KANK1: variants seen among roughly 807,000 people sequenced by gnomAD.
KANK1 encodes KN motif and ankyrin repeat domains 1.
KANK1 carries 109 observed loss-of-function variants against 106.2 expected under a neutral mutation model. That is an observed-to-expected ratio of 1.03 (90% CI 0.88 to 1.20). The LOEUF (loss-of-function observed/expected upper bound fraction) is 1.20. Among genes scored for constraint, KANK1 ranks in the 50% most tolerant of loss-of-function variants. The pLI is 0.00. For missense variants in KANK1, 2,399 were observed against 1,710.7 expected, an observed-to-expected ratio of 1.40 and a Z score of -7.10; for synonymous variants, 873 against 652.2, an observed-to-expected ratio of 1.34 and a Z score of -5.16.
rs190575200 is a variant in KANK1 at position 535,926 on chromosome 9, C to T, written c.-84+31172C>T. Among the ~76,000 whole-genome samples the T allele has an allele frequency of 3.6e-3, 548 of 152,286 alleles. 2 individuals carry two copies. The highest frequency in any genetic ancestry group is 0.01 in the Middle Eastern group (3 of 294). ...AAATTCTTCCAAGCTCCTTCACTAC[C>T]CAATTCCAAAACCACTTCCACATTT... On this transcript the variant is annotated intron_variant, in intron 1 of 11. Transcript: ENST00000382297.
chr9:711,260 TG>T lies in KANK1; in HGVS notation c.496del (p.Glu166AsnfsTer9). 6.2e-7 allele frequency: 1 copy of T among 1,614,076 alleles called. No individual in the cohort carries two copies. The highest frequency in any genetic ancestry group is 2.2e-5 in the East Asian group (1 of 44,874). ...TKTLMETRRRLEQERATMQMT... is the reference protein window; with the variant it reads ...TKTLMETRRRXEQERATMQMT... ...ACACTGATGGAGACCCGGAGAAGAC[TG>T]GAACAGGAGAGAGCCACCATGCAGA... On this transcript the variant is annotated frameshift_variant, in exon 3 of 12. Coordinates refer to ENST00000382297, the MANE Select transcript of KANK1 (RefSeq NM_015158.5). LOFTEE classifies it high-confidence loss of function.
At chr9:555,765 G>A (rs117129109) in intron 1 of KANK1, among the ~76,000 whole-genome samples, 5,090 of 152,240 alleles carry the variant, frequency 0.033, 119 homozygotes, top group Non-Finnish European at 0.049. Flanking sequence ...TGAGTTCCTA[G>A]TACATACGTG....
intron 3 of KANK1, among the ~76,000 whole-genome samples, chr9:724,062 C>T (rs1830054364): frequency 6.6e-6 from 1 of 150,674 alleles, no homozygotes; most frequent in Non-Finnish European, 1.5e-5. Flanking sequence ...GATCACGCCA[C>T]TGCACTCCAG....
intron 1 of KANK1, among the ~76,000 whole-genome samples, chr9:574,232 T>C (rs1819949989): frequency 1.3e-5 from 2 of 152,214 alleles, no homozygotes; most frequent in Admixed American, 1.3e-4. Flanking sequence ...AGGCTAAGGA[T>C]CATGAGGATG....
At chr9:485,940 T>G (rs965457849) in intron 3 of KANK1, among the ~76,000 whole-genome samples, 14 of 151,862 alleles carry the variant, frequency 9.2e-5, no homozygotes, top group African/African-American at 3.4e-4. Flanking sequence ...AGGTCCCTGG[T>G]TGAGGCTCTG....
intron 2 of KANK1, among the ~76,000 whole-genome samples, chr9:691,812 T>A (rs1820010832): frequency 6.8e-6 from 1 of 147,804 alleles, no homozygotes; most frequent in African/African-American, 2.5e-5. Context: ...AGACAGAGTG[T>A]CACTGTGTCA....
At chr9:675,070 C>T (rs1300815565) in intron 1 of KANK1, among the ~76,000 whole-genome samples, 1 of 152,106 alleles carries the variant, frequency 6.6e-6, no homozygotes, top group Non-Finnish European at 1.5e-5. Context: ...TCCATGATTT[C>T]ATCACCCAGA....
At chr9:505,675 C>T (rs140797650) in intron 1 of KANK1, among the ~76,000 whole-genome samples, 3 of 152,220 alleles carry the variant, frequency 2.0e-5, no homozygotes, top group Non-Finnish European at 4.4e-5. Flanking sequence ...TTGGCGTTAA[C>T]AATTTATGGC....
At chr9:740,726 C>T in intron 8 of KANK1, 66 bp from the exon 9 acceptor site, 6 of 1,546,032 alleles carry the variant, frequency 3.9e-6, no homozygotes, top group Non-Finnish European at 5.3e-6. Context: ...CCTTCAGTGG[C>T]TTCGTAAGCG....
At chr9:662,802 C>T (rs1298160019) in intron 1 of KANK1, among the ~76,000 whole-genome samples, 1 of 152,028 alleles carries the variant, frequency 6.6e-6, no homozygotes, top group African/African-American at 2.4e-5. Flanking sequence ...GCTGGGATTA[C>T]AGGCACCCGC....
chr9:721,549 A>G (rs1294135753), intron 3 of KANK1, among the ~76,000 whole-genome samples: 2 of 152,248 alleles, frequency 1.3e-5, no homozygotes, highest in Admixed American at 6.5e-5. Flanking sequence ...TGGTAGAAAT[A>G]GAAAACCAGA....
chr9:620,950 C>T (rs1053361764), intron 1 of KANK1, among the ~76,000 whole-genome samples: 9 of 152,070 alleles, frequency 5.9e-5, no homozygotes, highest in Non-Finnish European at 5.9e-5. Flanking sequence ...GGAAATTAGT[C>T]ATCATTTGAT....
At chr9:651,981 C>G (rs1162100415) in intron 1 of KANK1, among the ~76,000 whole-genome samples, 1 of 151,994 alleles carries the variant, frequency 6.6e-6, no homozygotes, top group Non-Finnish European at 1.5e-5. Flanking sequence ...ATGTTCAAAG[C>G]AATAAATTTA....
At chr9:660,336 C>A in intron 1 of KANK1, 1 of 207,474 alleles carries the variant, frequency 4.8e-6, no homozygotes, top group South Asian at 9.1e-5. Flanking sequence ...ACTGCTGTGG[C>A]TCGCTGAAGC....
chr9:647,884 A>G (rs1384268738), intron 1 of KANK1, among the ~76,000 whole-genome samples: 1 of 150,626 alleles, frequency 6.6e-6, no homozygotes, highest in Non-Finnish European at 1.5e-5. Flanking sequence ...CATGGAAATC[A>G]GGTAGAACAC....
chr9:589,490 A>G (rs1824302921), intron 1 of KANK1, among the ~76,000 whole-genome samples: 1 of 152,098 alleles, frequency 6.6e-6, no homozygotes, highest in African/African-American at 2.4e-5. Context: ...TAGATATACT[A>G]AAAGAGAGGG....
rs1264192182 is a variant in KANK1, at chr9:517,107, GTTTGTT to G, written c.-84+12368_-84+12373del. Among the ~76,000 whole-genome samples, 4 of 151,692 alleles carry G rather than the reference GTTTGTT, an allele frequency of 2.6e-5. No individual in the cohort carries two copies. The South Asian group carries it at 6.2e-4, about 24-fold the overall frequency. ...TTCCAAAATTCAGCAAGCTGTTTGT[GTTTGTT>G]TTTGTTTTTGTTTTGAGACGGAGTC... is the stretch of plus-strand genomic sequence containing the variant. On this transcript the variant is annotated intron_variant, in intron 1 of 11. Coordinates refer to ENST00000382297, the MANE Select transcript of KANK1 (RefSeq NM_015158.5).
rs931013308 is a variant in KANK1 at position 596,461 on chromosome 9, A to G, written c.-83-80429A>G. On this transcript the variant is annotated intron_variant, in intron 1 of 11. Coordinates refer to ENST00000382297, the MANE Select transcript of KANK1 (RefSeq NM_015158.5). ...CCTCTGAGCCCCTATGCTAAGCTGA[A>G]CTAGGCTTTTGTTTCTGGCAATGGA... Among the ~76,000 whole-genome samples the G allele has an allele frequency of 1.2e-4, 18 of 151,784 alleles. 1 individual carries two copies. The highest frequency in any genetic ancestry group is 4.1e-4 in the African/African-American group (17 of 41,056).
At position 475,913 on chromosome 9, in the gene KANK1, C is replaced by T. The variant is rs573298011; in HGVS notation, c.-362+2640C>T. 7.2e-5 allele frequency among the ~76,000 whole-genome samples: 11 copies of T among 152,036 alleles called. No homozygotes were observed. In the South Asian group the frequency reaches 1.7e-3, roughly 23 times the overall value. The stretch of plus-strand genomic sequence containing the variant: ...TGTTGCCCAGGCTGGAGTGTAGCGT[C>T]GCCATCTCAGCTCACTGCAACCTCT... On this transcript the variant is annotated intron_variant, in intron 3 of 15. Transcript: ENST00000382303.
Sources: gnomAD v4.1 joint callset for allele counts (sites outside exome capture counted in the v4.1 genomes callset) on GRCh38, gnomAD v4.1.1 for gene constraint, MANE v1.5 for transcripts, NCBI Gene and HGNC (gene_info 2026-07-23, HGNC 2026-07-21) for gene names.